EXOC6: variants seen among roughly 807,000 people sequenced by gnomAD.
EXOC6 encodes the protein exocyst complex component 6.
Under a neutral mutation model 112.5 loss-of-function variants are expected in EXOC6, and 60 were observed. That is an observed-to-expected ratio of 0.53 (90% CI 0.43 to 0.66). EXOC6 has a LOEUF of 0.66. Ranked by LOEUF, EXOC6 falls within the 30% of genes least tolerant of loss-of-function variation. The pLI is 0.00. For synonymous variants in EXOC6, 295 were observed against 308.0 expected, an observed-to-expected ratio of 0.96 and a Z score of 0.44; for missense variants, 855 against 957.1, an observed-to-expected ratio of 0.89 and a Z score of 1.41.
chr10:92,930,888 C>T (rs1412872084), intron 9 of EXOC6, among the ~76,000 whole-genome samples: 6 of 151,772 alleles, frequency 4.0e-5, no homozygotes, highest in South Asian at 2.1e-4. Context: ...CCAAGGCGGG[C>T]GGATCATGAG....
At chr10:93,020,475 T>C (rs913391223) in intron 20 of EXOC6, among the ~76,000 whole-genome samples, 2 of 152,190 alleles carry the variant, frequency 1.3e-5, no homozygotes, top group African/African-American at 2.4e-5. Context: ...AATTAGCTTA[T>C]AGACTACTCC....
chr10:93,030,755 T>C (rs1163299306), intron 20 of EXOC6, among the ~76,000 whole-genome samples: 4 of 152,212 alleles, frequency 2.6e-5, no homozygotes, highest in Admixed American at 2.0e-4. Context: ...AAATTATAAA[T>C]GAGATGGGAA....
At chr10:93,014,289 C>T (rs1478087526) in intron 20 of EXOC6, 22 bp downstream of exon 20, 1 of 1,582,706 alleles carries the variant, frequency 6.3e-7, no homozygotes, top group South Asian at 1.1e-5. Context: ...TAATGTACTT[C>T]CCATTTGTTG....
At chr10:92,859,461 G>A (rs1411654157) in intron 1 of EXOC6, among the ~76,000 whole-genome samples, 1 of 152,142 alleles carries the variant, frequency 6.6e-6, no homozygotes, top group Non-Finnish European at 1.5e-5. Flanking sequence ...TAATTGCTGG[G>A]TGATTATTAT....
chr10:92,828,192 T>C (rs892075805), intron 1 of EXOC6, among the ~76,000 whole-genome samples: 5 of 152,218 alleles, frequency 3.3e-5, no homozygotes, highest in African/African-American at 1.2e-4. Flanking sequence ...TTCTTACCAA[T>C]CTTTACGTCT....
intron 8 of EXOC6, among the ~76,000 whole-genome samples, chr10:92,921,656 T>G (rs1851453452): frequency 1.3e-5 from 2 of 151,326 alleles, no homozygotes; most frequent in African/African-American, 2.4e-5. Context: ...CTTTCTTTTT[T>G]TTTTTTTTTG....
At chr10:92,946,718 A>AC (rs1214748774) in intron 13 of EXOC6, among the ~76,000 whole-genome samples, 4 of 151,518 alleles carry the variant, frequency 2.6e-5, no homozygotes, top group East Asian at 3.9e-4. Flanking sequence ...GTGGTTTTAC[A>AC]CCCCCCCACA....
chr10:92,867,109 T>G (rs565127779), intron 1 of EXOC6, among the ~76,000 whole-genome samples: 3 of 152,130 alleles, frequency 2.0e-5, no homozygotes, highest in Non-Finnish European at 4.4e-5. Context: ...GGTCAAGAGA[T>G]GTAAGAGTCA....
intron 7 of EXOC6, 65 bp downstream of exon 7, chr10:92,915,978 C>A: frequency 2.6e-6 from 3 of 1,151,150 alleles, no homozygotes; most frequent in Non-Finnish European, 2.4e-6. Flanking sequence ...TTGTAATGTA[C>A]ATCTGTGTGA....
intron 1 of EXOC6, among the ~76,000 whole-genome samples, chr10:92,871,359 T>C (rs545004460): frequency 6.6e-6 from 1 of 151,258 alleles, no homozygotes; most frequent in South Asian, 2.1e-4. Flanking sequence ...AGACCCAGTA[T>C]CTACAACAAA....
At chr10:92,834,909 G>C (rs1288427902) in intron 1 of EXOC6, 1 of 738,780 alleles carries the variant, frequency 1.4e-6, no homozygotes, top group Non-Finnish European at 2.2e-6. Flanking sequence ...CTTTATAAGA[G>C]TAAAAAATAT....
intron 8 of EXOC6, among the ~76,000 whole-genome samples, chr10:92,922,322 C>A (rs1341659720): frequency 6.6e-6 from 1 of 152,152 alleles, no homozygotes; most frequent in African/African-American, 2.4e-5. Context: ...AGCATTATAG[C>A]ATTGGGAAAA....
intron 21 of EXOC6, among the ~76,000 whole-genome samples, 181 bp from the exon 22 acceptor site, chr10:93,058,042 T>C (rs1002078912): frequency 2.0e-5 from 3 of 152,218 alleles, no homozygotes; most frequent in African/African-American, 7.2e-5. Flanking sequence ...AAAATAAAGC[T>C]TCTAATTTTT....
At chr10:92,969,578 T>G (rs1842200838) in intron 17 of EXOC6, among the ~76,000 whole-genome samples, 2 of 152,248 alleles carry the variant, frequency 1.3e-5, no homozygotes, top group Admixed American at 1.3e-4. Context: ...CATGAAACCC[T>G]ATTTCTAACC....
chr10:92,903,424 T>G (rs2133852094), intron 5 of EXOC6, among the ~76,000 whole-genome samples: 1 of 151,934 alleles, frequency 6.6e-6, no homozygotes, highest in South Asian at 2.1e-4. Flanking sequence ...AATCATGGGT[T>G]TAGACTGTAG....
chr10:92,898,269 TAA>T (rs34350548), intron 4 of EXOC6, among the ~76,000 whole-genome samples: 1 of 145,954 alleles, frequency 6.9e-6, no homozygotes, highest in South Asian at 2.2e-4. Flanking sequence ...AAATTAAAAT[TAA>T]AAAAAAAAAA....
At chr10:92,836,995 G>T (rs1462214706) in intron 1 of EXOC6, among the ~76,000 whole-genome samples, 2 of 151,988 alleles carry the variant, frequency 1.3e-5, no homozygotes, top group Non-Finnish European at 2.9e-5. Flanking sequence ...TTACCTAGCT[G>T]CTAGGTGCTA....
chr10:92,865,532 TC>T (rs1367330680), intron 1 of EXOC6, among the ~76,000 whole-genome samples: 4 of 149,610 alleles, frequency 2.7e-5, no homozygotes, highest in Admixed American at 1.3e-4. Context: ...GGGAGACGCC[TC>T]CCGGGCTCAA....
intron 1 of EXOC6, among the ~76,000 whole-genome samples, chr10:92,829,355 G>T (rs890553119): frequency 5.3e-5 from 8 of 152,158 alleles, no homozygotes; most frequent in African/African-American, 1.9e-4. Flanking sequence ...TCCCATTCGG[G>T]CGCCCCTCTC....
Sources: gnomAD v4.1 joint callset for allele counts (sites outside exome capture counted in the v4.1 genomes callset) on GRCh38, gnomAD v4.1.1 for gene constraint, MANE v1.5 for transcripts, NCBI Gene and HGNC (gene_info 2026-07-23, HGNC 2026-07-21) for gene names.